Variants in COL20A1 observed in about 807,000 individuals in gnomAD.
COL20A1 encodes collagen alpha-1(XX) chain.
COL20A1 carries 164 observed loss-of-function variants against 152.9 expected under a neutral mutation model. That is an observed-to-expected ratio of 1.07 (90% CI 0.94 to 1.22). COL20A1 has a LOEUF of 1.22. Ranked by LOEUF, COL20A1 falls within the 50% of genes most tolerant of loss-of-function variation. COL20A1 has a pLI of 0.00. For synonymous variants in COL20A1, 864 were observed against 756.0 expected (o/e 1.14, Z -2.34); for missense variants, 1,873 against 1,744.8 (o/e 1.07, Z -1.31).
chr20:63,303,434 C>G (rs1400723349), intron 3 of COL20A1, among the ~76,000 whole-genome samples: 1 of 152,186 alleles, frequency 6.6e-6, no homozygotes, highest in East Asian at 1.9e-4. Flanking sequence ...GTGCAGGAAG[C>G]CTTGGGAATA....
intron 1 of COL20A1, among the ~76,000 whole-genome samples, chr20:63,293,885 TG>T (rs149842384): frequency 0.03 from 859 of 28,678 alleles, 12 homozygotes; most frequent in Middle Eastern, 0.12. Context: ...GGGCGTGTAT[TG>T]GGGGGGTCTC....
At chr20:63,321,154 C>T in intron 26 of COL20A1, 55 bp downstream of exon 26, 2 of 1,213,562 alleles carry the variant, frequency 1.6e-6, no homozygotes, top group East Asian at 2.5e-5. Context: ...CAATGTATTG[C>T]TGCCACTGGT....
At chr20:63,327,785 G>A (rs2068273470) in intron 31 of COL20A1, 167 bp from the exon 32 acceptor site, 4 of 674,174 alleles carry the variant, frequency 5.9e-6, no homozygotes, top group Non-Finnish European at 1.0e-5. Context: ...GGGTGCAGGC[G>A]AGGACCACAG....
rs1388980061 is a variant in COL20A1 at position 63,334,176 on chromosome 20, A to ACT, written c.*3462_*3463dup. The ACT allele has an allele frequency of 6.6e-6, 1 of 152,138 alleles. No individual in the cohort carries two copies. Among genetic ancestry groups the ACT allele is most frequent in the African/African-American group, 2.4e-5 (1 of 41,400 alleles). 9.4% of individuals were successfully genotyped at this position (152,138 alleles called of 1,614,324 possible). A position where few individuals can be genotyped will look rare whatever the true frequency, so the allele number is the denominator to read the frequency against. Reference sequence around the variant, plus strand: ...ATTCCAAAGGATCCTGCTGTTCAGAACTCACTCACTCACTGATGAAACTGG... The same window carrying ACT: ...ATTCCAAAGGATCCTGCTGTTCAGAACTCTCACTCACTCACTGATGAAACTGG... On this transcript the variant is annotated 3_prime_UTR_variant, in exon 36 of 36. Transcript: ENST00000358894.
At chr20:63,310,195 G>A (rs1180376320) in intron 10 of COL20A1, among the ~76,000 whole-genome samples, 186 bp from the exon 11 acceptor site, 3 of 152,066 alleles carry the variant, frequency 2.0e-5, no homozygotes, top group East Asian at 1.9e-4. Flanking sequence ...TTGATTGATC[G>A]ATCGATGGAT....
chr20:63,296,565 C>T (rs1012121163), intron 2 of COL20A1, among the ~76,000 whole-genome samples: 1 of 152,224 alleles, frequency 6.6e-6, no homozygotes, highest in Non-Finnish European at 1.5e-5. Flanking sequence ...GGGTGGGGCC[C>T]TTCCCACCAG....
intron 35 of COL20A1, 98 bp from the exon 36 acceptor site, chr20:63,330,622 G>A (rs1312586100): frequency 6.6e-6 from 1 of 152,288 alleles, no homozygotes; most frequent in Non-Finnish European, 1.5e-5. Flanking sequence ...GACCCAGGAT[G>A]CGGGCTCTCA....
At chr20:63,294,520 C>A (rs1455727720) in intron 1 of COL20A1, among the ~76,000 whole-genome samples, 1 of 152,062 alleles carries the variant, frequency 6.6e-6, no homozygotes, top group African/African-American at 2.4e-5. Flanking sequence ...GGCCTCAGAG[C>A]CGTGTGCCCG....
At chr20:63,316,020 T>C (rs2068079459) in intron 20 of COL20A1, among the ~76,000 whole-genome samples, 1 of 151,970 alleles carries the variant, frequency 6.6e-6, no homozygotes, top group Admixed American at 6.5e-5. Context: ...CTCTGCGCGG[T>C]GGGGCTCGCC....
rs1030373691 is a variant in COL20A1, at chr20:63,306,380, C to T, written c.496+341C>T. Among the ~76,000 whole-genome samples the T allele has an allele frequency of 2.0e-5, 3 of 152,142 alleles. No homozygotes were observed. Among genetic ancestry groups the T allele is most frequent in the Admixed American group, 6.5e-5 (1 of 15,280 alleles). On this transcript the variant is annotated intron_variant, in intron 5 of 35. Coordinates refer to ENST00000358894, the MANE Select transcript of COL20A1 (RefSeq NM_020882.4). This position sits in a 1 kb window ranked among gnomAD's most constrained non-coding sequence, Gnocchi z 6.9. ...CCGGGAAGTTCTTCCTCGTGTCTGA[C>T]CACACGGTCTCTGGCTTTAACTTAA...
intron 2 of COL20A1, 41 bp from the exon 3 acceptor site, chr20:63,297,869 G>A (rs992532945): frequency 4.0e-6 from 6 of 1,502,096 alleles, no homozygotes; most frequent in South Asian, 1.1e-5. Context: ...GGTGGATGGG[G>A]AGGCCAGGTC....
chr20:63,322,032 GCT>G, intron 26 of COL20A1, 24 bp from the exon 27 acceptor site: 1 of 1,510,256 alleles, frequency 6.6e-7, no homozygotes, highest in South Asian at 1.3e-5. Context: ...AGTTCTGGGG[GCT>G]TAGCCCTGTT....
intron 19 of COL20A1, among the ~76,000 whole-genome samples, chr20:63,314,777 C>A (rs1200740630): frequency 6.6e-6 from 1 of 152,048 alleles, no homozygotes; most frequent in Non-Finnish European, 1.5e-5. Context: ...ATGCCCCCAG[C>A]CTGCCCGCAC....
Position 63,309,532 on chromosome 20 carries a change from C to T in COL20A1, c.1105+35C>T, listed in dbSNP as rs1300760435. ...AGGGTCACCCGCACAGGCTGCAGCCCCCCCGGCTGCTTTGGGCAAAGGGTT... is the reference window on the plus strand; with the variant it reads ...AGGGTCACCCGCACAGGCTGCAGCCTCCCCGGCTGCTTTGGGCAAAGGGTT... On this transcript the variant is annotated intron_variant, in intron 9 of 35. Coordinates refer to ENST00000358894, the MANE Select transcript of COL20A1 (RefSeq NM_020882.4). 30 of 1,458,566 alleles carry T rather than the reference C, an allele frequency of 2.1e-5. No individual in the cohort carries two copies. The Admixed American group carries it at 7.6e-4, about 37-fold the overall frequency. The allele number at this position is 1,458,566 out of a possible 1,614,324, so 90.4% of individuals were successfully genotyped here. A position where few individuals can be genotyped will look rare whatever the true frequency, so the allele number is the denominator to read the frequency against.
intron 10 of COL20A1, 50 bp from the exon 11 acceptor site, chr20:63,310,331 A>G: frequency 6.3e-7 from 1 of 1,593,702 alleles, no homozygotes; most frequent in Non-Finnish European, 8.5e-7. Flanking sequence ...CCTGCTCCCC[A>G]TCCCCCGGCA....
intron 34 of COL20A1, chr20:63,329,329 A>G: frequency 1.8e-6 from 1 of 558,182 alleles, no homozygotes; most frequent in Non-Finnish European, 3.2e-6. Flanking sequence ...TGAGGGTGAC[A>G]GGCACTATCA....
rs1341028218 is a variant in COL20A1 at position 63,334,678 on chromosome 20, C to T, written c.*3962C>T. The T allele has an allele frequency of 6.6e-6, 1 of 152,248 alleles. No individual in the cohort carries two copies. Among genetic ancestry groups the T allele is most frequent in the Non-Finnish European group, 1.5e-5 (1 of 68,050 alleles). 9.4% of individuals were successfully genotyped at this position (152,248 alleles called of 1,614,324 possible). A position where few individuals can be genotyped will look rare whatever the true frequency, so the allele number is the denominator to read the frequency against. On this transcript the variant is annotated 3_prime_UTR_variant, in exon 36 of 36. Transcript: ENST00000358894. ...AGCTCAAACGATCCACCCTCCTTGG[C>T]CTCCCAAAGTGGTGGGATTACAGGT...
chr20:63,303,520 A>G (rs373098743), intron 3 of COL20A1, among the ~76,000 whole-genome samples: 1 of 152,084 alleles, frequency 6.6e-6, no homozygotes. Flanking sequence ...CAGTTTTCCT[A>G]TCTATAAAAT....
chr20:63,318,912 G>A, intron 21 of COL20A1, 146 bp from the exon 22 acceptor site: 2 of 649,976 alleles, frequency 3.1e-6, no homozygotes, highest in East Asian at 2.7e-5. Context: ...AGCTGGGAAG[G>A]GTGTGCGGGT....
Sources: gnomAD v4.1 joint callset for allele counts (sites outside exome capture counted in the v4.1 genomes callset) on GRCh38, gnomAD v4.1.1 for gene constraint, Gnocchi (gnomAD v3.1) non-coding constraint, MANE v1.5 for transcripts, NCBI Gene and HGNC (gene_info 2026-07-23, HGNC 2026-07-21) for gene names.